Variants in EYA3 observed in about 807,000 individuals in gnomAD.
EYA3 encodes the protein EYA transcriptional coactivator and phosphatase 3.
A neutral mutation model predicts 80.0 loss-of-function variants in EYA3; 39 were observed. The ratio of observed to expected loss-of-function variants is 0.49; its 90% CI spans 0.38 to 0.64. The LOEUF (loss-of-function observed/expected upper bound fraction) is 0.64, where lower values mean the gene tolerates loss of function less well. EYA3 is among the 30% of genes least tolerant of loss of function. EYA3 has a pLI of 0.00. For missense variants in EYA3, 523 were observed against 676.1 expected, an observed-to-expected ratio of 0.77 and a Z score of 2.51; for synonymous variants, 206 against 232.8, an observed-to-expected ratio of 0.88 and a Z score of 1.05.
chr1:28,001,539 G>A (rs1024168260), intron 11 of EYA3, among the ~76,000 whole-genome samples: 3 of 144,310 alleles, frequency 2.1e-5, no homozygotes, highest in Non-Finnish European at 4.4e-5. Flanking sequence ...ATGAGGTCAG[G>A]GGATCAAGAC....
chr1:28,053,839 C>G (rs1644354066), intron 2 of EYA3, among the ~76,000 whole-genome samples: 2 of 152,194 alleles, frequency 1.3e-5, no homozygotes, highest in South Asian at 2.1e-4. Flanking sequence ...AAACAGGACT[C>G]TCTAGTTAAG....
chr1:28,076,606 T>G (rs550872303), intron 1 of EYA3, among the ~76,000 whole-genome samples: 9 of 146,272 alleles, frequency 6.2e-5, no homozygotes, highest in Non-Finnish European at 1.0e-4. Flanking sequence ...AGGTGGAGGT[T>G]GCAGTGAGCT....
chr1:28,032,054 T>G (rs958275535), intron 6 of EYA3: 1 of 152,176 alleles, frequency 6.6e-6, no homozygotes, highest in Non-Finnish European at 1.5e-5. Flanking sequence ...ACCACATTGA[T>G]GCTGAACTTA....
intron 16 of EYA3, among the ~76,000 whole-genome samples, chr1:27,983,432 T>TAAA (rs1489508189): frequency 2.0e-5 from 3 of 152,212 alleles, no homozygotes; most frequent in Non-Finnish European, 2.9e-5. Context: ...ATTACATTGT[T>TAAA]AGATTTAAGT....
chr1:28,009,669 A>C lies in EYA3; in HGVS notation c.909+1278T>G, dbSNP rs72656588. Among the ~76,000 whole-genome samples the C allele has an allele frequency of 4.6e-4, 66 of 142,048 alleles. 1 individual carries two copies. Among genetic ancestry groups the C allele is most frequent in the East Asian group, 3.9e-3 (20 of 5,134 alleles). The allele number at this position is 142,048 out of a possible 152,430, so 93.2% of individuals were successfully genotyped here. A position where few individuals can be genotyped will look rare whatever the true frequency, so the allele number is the denominator to read the frequency against. On this transcript the variant is annotated intron_variant, in intron 10 of 17. Transcript: ENST00000373871. The surrounding 1 kb of genome is among the most constrained non-coding windows in gnomAD (Gnocchi z 4.8). ...ACAACAACAACAACAACAACAACAA[A>C]AAACCATTATGGTAAATGAAATAAG...
At chr1:28,047,054 G>A (rs1465949942) in intron 3 of EYA3, among the ~76,000 whole-genome samples, 2 of 151,832 alleles carry the variant, frequency 1.3e-5, no homozygotes, top group Non-Finnish European at 2.9e-5. Context: ...TTGCTATGTC[G>A]CCCAGGCTGG....
Position 28,042,610 on chromosome 1 carries a change from T to C in EYA3, c.118A>G (p.Thr40Ala). The change falls in exon 4 of 18, where the codon ACA becomes GCA. Residue 40 changes from threonine (T) to alanine (A), a missense_variant. By Grantham distance (58) the Thr-to-Ala change is moderately conservative. Transcript: ENST00000373871. ...NPDVSDQKPETSSLASNLPMS... is the reference protein window; with the variant it reads ...NPDVSDQKPEASSLASNLPMS... Reference sequence around the variant, plus strand: ...GGAAGGTTTGAAGCAAGGCTTGATGTTTCAGGCTTCTGATCACTGACATCT... The same window carrying C: ...GGAAGGTTTGAAGCAAGGCTTGATGCTTCAGGCTTCTGATCACTGACATCT... 6.2e-7 allele frequency: 1 copy of C among 1,614,226 alleles called. No homozygotes were observed. Among genetic ancestry groups the C allele is most frequent in the Non-Finnish European group, 8.5e-7 (1 of 1,180,020 alleles).
At chr1:28,025,782 CAG>C (rs1162738434) in intron 7 of EYA3, among the ~76,000 whole-genome samples, 3 of 152,236 alleles carry the variant, frequency 2.0e-5, no homozygotes, top group African/African-American at 7.2e-5. Context: ...TTTTTTGAGA[CAG>C]AGTCTCACTC....
chr1:28,069,634 G>A (rs1258877194), intron 1 of EYA3, among the ~76,000 whole-genome samples: 1 of 149,318 alleles, frequency 6.7e-6, no homozygotes, highest in Non-Finnish European at 1.5e-5. Flanking sequence ...GGAGAAGGAA[G>A]GAAGGGAAAG....
At chr1:28,053,597 AT>A (rs1302436261) in intron 2 of EYA3, among the ~76,000 whole-genome samples, 2 of 152,184 alleles carry the variant, frequency 1.3e-5, no homozygotes, top group Non-Finnish European at 2.9e-5. Flanking sequence ...TACCTACTTC[AT>A]AGGGCTCATG....
intron 1 of EYA3, among the ~76,000 whole-genome samples, chr1:28,082,497 A>G (rs190511810): frequency 6.6e-6 from 1 of 152,248 alleles, no homozygotes; most frequent in African/African-American, 2.4e-5. Context: ...ATCTTTTCTA[A>G]AGTAAAAATA....
At chr1:28,017,322 A>G in intron 7 of EYA3, 83 bp from the exon 8 acceptor site, 1 of 1,037,188 alleles carries the variant, frequency 9.6e-7, no homozygotes, top group East Asian at 2.5e-5. Flanking sequence ...GTTTTAAGTG[A>G]ACAGATTTAT....
chr1:27,981,685 G>A (rs1053020467), intron 16 of EYA3, among the ~76,000 whole-genome samples: 3 of 151,832 alleles, frequency 2.0e-5, no homozygotes, highest in African/African-American at 7.3e-5. Flanking sequence ...AGCTGAGGTG[G>A]GAGGGTTGCT....
intron 1 of EYA3, among the ~76,000 whole-genome samples, chr1:28,061,913 G>T (rs574948196): frequency 7.3e-5 from 11 of 151,200 alleles, no homozygotes; most frequent in African/African-American, 1.5e-4. Context: ...GTTTTTTTTT[G>T]TTTGTTTGTT....
intron 8 of EYA3, among the ~76,000 whole-genome samples, chr1:28,015,784 G>A (rs890348951): frequency 2.0e-5 from 3 of 152,102 alleles, no homozygotes; most frequent in Non-Finnish European, 4.4e-5. Flanking sequence ...ACCAGATTGG[G>A]TAAGGTTGTG....
intron 5 of EYA3, 35 bp downstream of exon 5, chr1:28,038,804 A>G (rs1341970013): frequency 1.6e-6 from 2 of 1,262,856 alleles, no homozygotes; most frequent in Non-Finnish European, 2.2e-6. Flanking sequence ...CTACAGAAAA[A>G]GCATATGCAT....
At chr1:28,066,096 G>C (rs960829231) in intron 1 of EYA3, among the ~76,000 whole-genome samples, 2 of 152,082 alleles carry the variant, frequency 1.3e-5, no homozygotes, top group African/African-American at 2.4e-5. Flanking sequence ...GCTCCTAAGT[G>C]AGTAACAGGC....
At chr1:28,070,850 C>T (rs928891114) in intron 1 of EYA3, among the ~76,000 whole-genome samples, 7 of 152,174 alleles carry the variant, frequency 4.6e-5, no homozygotes, top group Admixed American at 2.6e-4. Flanking sequence ...CTTACAAGAT[C>T]TTTCCAACGC....
intron 7 of EYA3, among the ~76,000 whole-genome samples, chr1:28,022,800 G>C (rs1399154806): frequency 6.6e-6 from 1 of 151,632 alleles, no homozygotes; most frequent in South Asian, 2.1e-4. Context: ...CTGAGGCCTC[G>C]ACCTCCTAAG....
Sources: gnomAD v4.1 joint callset for allele counts (sites outside exome capture counted in the v4.1 genomes callset) on GRCh38, gnomAD v4.1.1 for gene constraint, Gnocchi (gnomAD v3.1) non-coding constraint, MANE v1.5 for transcripts, NCBI Gene and HGNC (gene_info 2026-07-23, HGNC 2026-07-21) for gene names.